The following REC114 variants were observed in gnomAD, a reference collection of about 807,000 sequenced individuals.
REC114 encodes meiotic recombination protein REC114.
Under a neutral mutation model 31.3 loss-of-function variants are expected in REC114, and 27 were observed. That is an observed-to-expected ratio of 0.86 (90% CI 0.64 to 1.19). The LOEUF (loss-of-function observed/expected upper bound fraction) is 1.19. Among genes scored for constraint, REC114 ranks in the 50% most tolerant of loss-of-function variants. The probability of loss-of-function intolerance (pLI) is 0.00; values close to 1 mark genes in which losing one functional copy is unlikely to be tolerated. For synonymous variants in REC114, 134 were observed against 127.7 expected, an observed-to-expected ratio of 1.05 and a Z score of -0.33; for missense variants, 344 against 326.9, an observed-to-expected ratio of 1.05 and a Z score of -0.40.
At chr15:73,478,305 T>C (rs1003417856) in intron 2 of REC114, among the ~76,000 whole-genome samples, 1 of 151,870 alleles carries the variant, frequency 6.6e-6, no homozygotes, top group Non-Finnish European at 1.5e-5. Flanking sequence ...GGTTTATTTT[T>C]TGCACGTGGA....
At chr15:73,494,778 G>C (rs556007693) in intron 2 of REC114, among the ~76,000 whole-genome samples, 50 of 152,248 alleles carry the variant, frequency 3.3e-4, no homozygotes, top group African/African-American at 1.2e-3. Context: ...TAGTGGATCA[G>C]ACAGATGAGA....
chr15:73,501,382 A>G (rs1893602179), intron 2 of REC114, among the ~76,000 whole-genome samples: 1 of 152,228 alleles, frequency 6.6e-6, no homozygotes, highest in African/African-American at 2.4e-5. Flanking sequence ...AAAAAGCCAT[A>G]GGAAGGTTCC....
intron 2 of REC114, among the ~76,000 whole-genome samples, chr15:73,484,985 C>T (rs1893345878): frequency 6.6e-6 from 1 of 151,990 alleles, no homozygotes; most frequent in African/African-American, 2.4e-5. Context: ...TAATTTTAAC[C>T]CAATTAGTTT....
intron 1 of REC114, among the ~76,000 whole-genome samples, chr15:73,461,148 T>G (rs751160121): frequency 6.6e-6 from 1 of 152,174 alleles, no homozygotes. Flanking sequence ...TATTGTTTTT[T>G]TTTTATTGTT....
At chr15:73,463,515 A>G (rs1423898038) in intron 1 of REC114, among the ~76,000 whole-genome samples, 2 of 152,230 alleles carry the variant, frequency 1.3e-5, no homozygotes, top group Non-Finnish European at 2.9e-5. Flanking sequence ...TTTTCTCTTC[A>G]TTTACCACTT....
At chr15:73,468,127 T>C (rs1893086276) in intron 1 of REC114, among the ~76,000 whole-genome samples, 1 of 152,230 alleles carries the variant, frequency 6.6e-6, no homozygotes, top group Admixed American at 6.5e-5. Flanking sequence ...CTTTGCTATG[T>C]AAGATAACAT....
intron 2 of REC114, among the ~76,000 whole-genome samples, chr15:73,522,340 C>G (rs1280021954): frequency 6.6e-6 from 1 of 152,162 alleles, no homozygotes; most frequent in African/African-American, 2.4e-5. Flanking sequence ...TTTCCTCCCC[C>G]TTTTTCCATC....
chr15:73,474,727 T>TA (rs1158385258), intron 2 of REC114, among the ~76,000 whole-genome samples: 1 of 152,216 alleles, frequency 6.6e-6, no homozygotes, highest in Non-Finnish European at 1.5e-5. Flanking sequence ...CATTATGGGA[T>TA]ATCATCATTC....
chr15:73,473,725 G>A lies in REC114; in HGVS notation c.160-107G>A, dbSNP rs571934013. 681 of 621,238 alleles carry A rather than the reference G, an allele frequency of 1.1e-3. 4 individuals are homozygous for A. The South Asian group carries it at 0.012, about 11-fold the overall frequency. The allele number at this position is 621,238 out of a possible 1,614,324, so 38.5% of individuals were successfully genotyped here. On this transcript the variant is annotated intron_variant, in intron 1 of 5. Transcript: ENST00000331090. Reference sequence around the variant, plus strand: ...GAATGGAAAAGCAAAGAGAATGCTCGGAGTAAAAAGATCAATATGAGAAAA... The same window carrying A: ...GAATGGAAAAGCAAAGAGAATGCTCAGAGTAAAAAGATCAATATGAGAAAA...
At chr15:73,551,181 A>C in intron 4 of REC114, 31 bp downstream of exon 4, 1 of 1,558,346 alleles carries the variant, frequency 6.4e-7, no homozygotes, top group East Asian at 2.4e-5. Flanking sequence ...GTTATACAGG[A>C]AACATGACAA....
chr15:73,550,818 G>T, intron 3 of REC114, 120 bp from the exon 4 acceptor site: 1 of 840,446 alleles, frequency 1.2e-6, no homozygotes, highest in Non-Finnish European at 1.9e-6. Flanking sequence ...AAGTGAAGAT[G>T]ACTGTTCCCT....
intron 2 of REC114, among the ~76,000 whole-genome samples, chr15:73,494,832 TTGTTA>T (rs1168732790): frequency 6.6e-6 from 1 of 152,204 alleles, no homozygotes; most frequent in Non-Finnish European, 1.5e-5. Context: ...GACCTAAGCC[TTGTTA>T]TACTAAGTGT....
At chr15:73,505,350 C>A (rs755864323) in intron 2 of REC114, among the ~76,000 whole-genome samples, 10 of 152,040 alleles carry the variant, frequency 6.6e-5, no homozygotes, top group Non-Finnish European at 1.5e-4. Flanking sequence ...AACCTGTTGG[C>A]CCCTAATTTG....
chr15:73,513,400 G>A (rs1227619991), intron 2 of REC114, among the ~76,000 whole-genome samples: 4 of 147,724 alleles, frequency 2.7e-5, no homozygotes, highest in Non-Finnish European at 6.0e-5. Flanking sequence ...ATGTCCTCCC[G>A]TAGCTCAGAG....
At chr15:73,505,521 C>T (rs150520323) in intron 2 of REC114, among the ~76,000 whole-genome samples, 4 of 152,126 alleles carry the variant, frequency 2.6e-5, no homozygotes, top group African/African-American at 9.6e-5. Context: ...CATTCAACTG[C>T]ACTTCTCCTT....
At chr15:73,455,659 T>A (rs1892905448) in intron 1 of REC114, among the ~76,000 whole-genome samples, 1 of 152,236 alleles carries the variant, frequency 6.6e-6, no homozygotes. Flanking sequence ...TATACTGATT[T>A]GATTTACTTC....
intron 2 of REC114, among the ~76,000 whole-genome samples, chr15:73,480,822 T>G (rs948287309): frequency 2.6e-5 from 4 of 152,054 alleles, no homozygotes; most frequent in Admixed American, 2.6e-4. Context: ...GGATTACAGG[T>G]GCCCACCACC....
intron 3 of REC114, among the ~76,000 whole-genome samples, chr15:73,549,328 G>A (rs543200734): frequency 1.3e-5 from 2 of 152,282 alleles, no homozygotes; most frequent in East Asian, 1.9e-4. Flanking sequence ...AATTGAACTC[G>A]TGGAGATAAA....
At chr15:73,485,870 A>AC (rs1567865875) in intron 2 of REC114, among the ~76,000 whole-genome samples, 1 of 151,824 alleles carries the variant, frequency 6.6e-6, no homozygotes, top group Non-Finnish European at 1.5e-5. Flanking sequence ...TAACTTTATC[A>AC]CCCCCTCCCA....
Sources: allele counts gnomAD v4.1 joint callset (sites outside exome capture counted in the v4.1 genomes callset), GRCh38; gene constraint gnomAD v4.1.1; transcripts MANE v1.5; gene names NCBI Gene and HGNC (gene_info 2026-07-23, HGNC 2026-07-21).